The following DKK2 variants were observed in gnomAD, a reference collection of about 807,000 sequenced individuals.
The protein encoded by DKK2 is dickkopf Wnt signaling pathway inhibitor 2.
Under a neutral mutation model 28.1 loss-of-function variants are expected in DKK2, and 11 were observed. The observed-to-expected ratio is 0.39, with a 90% CI of 0.25 to 0.65. The LOEUF (loss-of-function observed/expected upper bound fraction) is 0.65, where lower values mean the gene tolerates loss of function less well. Ranked by LOEUF, DKK2 falls within the 30% of genes least tolerant of loss-of-function variation. The pLI is 0.47. For synonymous variants in DKK2, 135 were observed against 126.5 expected (o/e 1.07, Z -0.45); for missense variants, 326 against 335.5 (o/e 0.97, Z 0.22).
At chr4:107,007,305 A>G (rs1030890916) in intron 1 of DKK2, among the ~76,000 whole-genome samples, 1 of 152,078 alleles carries the variant, frequency 6.6e-6, no homozygotes, top group Admixed American at 6.6e-5. Flanking sequence ...GGTCCTAAAC[A>G]TTTTAAGTTC....
At chr4:106,960,388 C>A (rs1462034322) in intron 1 of DKK2, among the ~76,000 whole-genome samples, 1 of 151,950 alleles carries the variant, frequency 6.6e-6, no homozygotes, top group Non-Finnish European at 1.5e-5. Context: ...CAAAGGCATA[C>A]AGAGTGGTAG....
intron 1 of DKK2, among the ~76,000 whole-genome samples, chr4:107,022,768 T>C (rs1361524837): frequency 6.6e-6 from 1 of 151,734 alleles, no homozygotes; most frequent in African/African-American, 2.4e-5. Context: ...CAATGAAAAA[T>C]TGGGAGAGCA....
chr4:106,925,916 C>T lies in DKK2; in HGVS notation c.256G>A (p.Val86Ile), dbSNP rs149779089. Residue 86 changes from valine to isoleucine, a missense_variant, in exon 2 of 4, where the codon GTT becomes ATT. Transcript: ENST00000285311. Reference sequence around the variant, plus strand: ...TGGGGACTGTGGCAATACCTCCCAACTTCACACTCCTTATCACTGCTACAA... The same window carrying T: ...TGGGGACTGTGGCAATACCTCCCAATTTCACACTCCTTATCACTGCTACAA... Reference protein sequence around the residue: ...YPCSSDKECEVGRYCHSPHQG... With the variant: ...YPCSSDKECEIGRYCHSPHQG... The T allele has an allele frequency of 7.4e-5, 119 of 1,613,468 alleles. No homozygotes were observed. The highest frequency in any genetic ancestry group is 9.5e-5 in the Non-Finnish European group (112 of 1,179,810).
At chr4:106,992,856 T>G (rs889308419) in intron 1 of DKK2, among the ~76,000 whole-genome samples, 4 of 152,160 alleles carry the variant, frequency 2.6e-5, no homozygotes, top group African/African-American at 9.7e-5. Flanking sequence ...CAAAAGCACT[T>G]TGGGCTTGTT....
intron 1 of DKK2, among the ~76,000 whole-genome samples, chr4:106,963,478 T>A (rs1006958081): frequency 1.3e-5 from 2 of 152,178 alleles, no homozygotes; most frequent in Admixed American, 1.3e-4. Flanking sequence ...AAAACTATAA[T>A]CAGATATCAT....
chr4:106,935,387 C>G (rs954416407), intron 1 of DKK2, among the ~76,000 whole-genome samples: 1 of 152,198 alleles, frequency 6.6e-6, no homozygotes, highest in Non-Finnish European at 1.5e-5. Context: ...CACTCCCACC[C>G]GAATACTGCG....
intron 1 of DKK2, among the ~76,000 whole-genome samples, chr4:106,956,456 C>G (rs1722591946): frequency 6.6e-6 from 1 of 152,136 alleles, no homozygotes; most frequent in South Asian, 2.1e-4. Context: ...CAATCCTAAG[C>G]CAAAAGAACA....
In DKK2 at chr4:107,007,028, C is replaced by T. The variant is rs534737446; in HGVS notation, c.222+28342G>A. Among the ~76,000 whole-genome samples, 4 of 151,476 alleles carry T rather than the reference C, an allele frequency of 2.6e-5. No individual in the cohort carries two copies. The South Asian group carries it at 8.3e-4, about 32-fold the overall frequency. On this transcript the variant is annotated intron_variant, in intron 1 of 3. Transcript: ENST00000285311. ...TTTTTTAGATGTCATAAATAGAAGACATTCTTTCAAATAGGACTGAAAGTC... is the reference window on the plus strand; with the variant it reads ...TTTTTTAGATGTCATAAATAGAAGATATTCTTTCAAATAGGACTGAAAGTC...
In DKK2 at chr4:106,999,196, A is replaced by T. The variant is rs115727648; in HGVS notation, c.222+36174T>A. 9.1e-3 allele frequency among the ~76,000 whole-genome samples: 1,391 copies of T among 152,284 alleles called. 23 individuals are homozygous for T. The highest frequency in any genetic ancestry group is 0.032 in the African/African-American group (1,314 of 41,546). ...TTTTAGGGTTGCTATGACCCTCACA[A>T]CTGAAGTATGGAAATCATCTAGCAG... On this transcript the variant is annotated intron_variant, in intron 1 of 3. Transcript: ENST00000285311.
chr4:106,933,473 TAA>T (rs1323409063), intron 1 of DKK2, among the ~76,000 whole-genome samples: 1 of 152,160 alleles, frequency 6.6e-6, no homozygotes, highest in Admixed American at 6.5e-5. Context: ...AAATAACACA[TAA>T]CACACACACC....
At chr4:106,936,251 C>A (rs1724586414) in intron 1 of DKK2, among the ~76,000 whole-genome samples, 1 of 151,708 alleles carries the variant, frequency 6.6e-6, no homozygotes, top group Admixed American at 6.6e-5. Context: ...CTAGAATAAC[C>A]AATACAGAGA....
intron 1 of DKK2, among the ~76,000 whole-genome samples, chr4:106,939,866 T>C (rs947957766): frequency 2.6e-5 from 4 of 152,080 alleles, no homozygotes; most frequent in African/African-American, 7.2e-5. Context: ...GGAAAGGATT[T>C]CCTATTTAAT....
intron 3 of DKK2, 63 bp downstream of exon 3, chr4:106,924,482 T>A (rs1724396158): frequency 3.3e-6 from 5 of 1,537,804 alleles, no homozygotes; most frequent in Non-Finnish European, 4.4e-6. Flanking sequence ...ATGGAATTAA[T>A]TATCTATATT....
At chr4:106,995,637 G>T (rs910985507) in intron 1 of DKK2, among the ~76,000 whole-genome samples, 1 of 152,216 alleles carries the variant, frequency 6.6e-6, no homozygotes, top group East Asian at 1.9e-4. Context: ...TTTAGAGACG[G>T]ACTCTCGCTC....
intron 1 of DKK2, among the ~76,000 whole-genome samples, chr4:106,936,669 T>G (rs1724593619): frequency 6.6e-6 from 1 of 152,158 alleles, no homozygotes; most frequent in African/African-American, 2.4e-5. Context: ...AATTGTCGGA[T>G]TCACCAAGGT....
intron 1 of DKK2, among the ~76,000 whole-genome samples, chr4:106,936,112 T>C (rs1034217042): frequency 6.6e-6 from 1 of 152,126 alleles, no homozygotes; most frequent in Non-Finnish European, 1.5e-5. Context: ...CAAAGCTGGA[T>C]GGAGAATGAC....
intron 1 of DKK2, among the ~76,000 whole-genome samples, chr4:107,010,532 A>G (rs995962032): frequency 2.0e-5 from 3 of 151,630 alleles, no homozygotes; most frequent in East Asian, 3.9e-4. Flanking sequence ...AAGATTCACA[A>G]TAAAGATTAG....
At chr4:106,978,662 T>A (rs1242882186) in intron 1 of DKK2, among the ~76,000 whole-genome samples, 3 of 152,162 alleles carry the variant, frequency 2.0e-5, no homozygotes, top group Non-Finnish European at 4.4e-5. Flanking sequence ...ACAATCGATC[T>A]TAGCTTGCTG....
chr4:106,952,261 G>A (rs545968574), intron 1 of DKK2, among the ~76,000 whole-genome samples: 1 of 152,238 alleles, frequency 6.6e-6, no homozygotes, highest in East Asian at 1.9e-4. Flanking sequence ...TCAACTCAGA[G>A]TATGTCGTAG....
Sources: gnomAD v4.1 joint callset for allele counts (sites outside exome capture counted in the v4.1 genomes callset) on GRCh38, gnomAD v4.1.1 for gene constraint, MANE v1.5 for transcripts, NCBI Gene and HGNC (gene_info 2026-07-23, HGNC 2026-07-21) for gene names.